Variants in SNED1 observed in about 807,000 individuals in gnomAD.
SNED1 encodes sushi, nidogen and EGF like domains 1.
SNED1 carries 81 observed loss-of-function variants against 166.7 expected under a neutral mutation model. The ratio of observed to expected loss-of-function variants is 0.49; its 90% CI spans 0.41 to 0.58. The LOEUF (loss-of-function observed/expected upper bound fraction) is 0.58, where lower values mean the gene tolerates loss of function less well. SNED1 is among the 20% of genes least tolerant of loss of function. SNED1 has a pLI of 0.00. For synonymous variants in SNED1, 762 were observed against 822.0 expected, an observed-to-expected ratio of 0.93 and a Z score of 1.25; for missense variants, 1,604 against 2,000.2, an observed-to-expected ratio of 0.80 and a Z score of 3.78.
intron 4 of SNED1, chr2:241,035,406 G>A (rs546946811): frequency 1.3e-5 from 2 of 152,430 alleles, no homozygotes; most frequent in Admixed American, 1.3e-4. Flanking sequence ...GGCGGCAGCA[G>A]AGCCATAGAT....
chr2:241,067,529 C>T (rs573062504), intron 21 of SNED1, among the ~76,000 whole-genome samples: 1 of 152,178 alleles, frequency 6.6e-6, no homozygotes, highest in African/African-American at 2.4e-5. Flanking sequence ...ACGGGCTGGC[C>T]CACAGCGGGC....
chr2:241,085,824 T>C (rs1402357992), intron 29 of SNED1, among the ~76,000 whole-genome samples: 1 of 151,890 alleles, frequency 6.6e-6, no homozygotes, highest in Non-Finnish European at 1.5e-5. Flanking sequence ...GGGGTTAATT[T>C]TGCCCTAGTT....
intron 1 of SNED1, among the ~76,000 whole-genome samples, chr2:241,017,135 G>A (rs1450107044): frequency 2.0e-5 from 3 of 152,178 alleles, no homozygotes; most frequent in Non-Finnish European, 4.4e-5. Flanking sequence ...CCAGGCGTGA[G>A]CCACCACACC....
chr2:241,048,738 G>T lies in SNED1; in HGVS notation c.1476G>T (p.Leu492=). The T allele has an allele frequency of 6.2e-7, 1 of 1,612,112 alleles. No homozygotes were observed. The highest frequency in any genetic ancestry group is 2.2e-5 in the East Asian group (1 of 44,814). ...ACACCACCCTCTGCCAGTGCCCCCT[G>T]GGATTCTTTGGGCTTCTCTGTGAAT... is the stretch of plus-strand genomic sequence containing the variant. ...GANTTLCQCP[L]GFFGLLCEFE... The change falls in exon 10 of 32, where the codon CTG becomes CTT. Residue 492 remains leucine (L), a synonymous_variant. Transcript: ENST00000310397.
intron 12 of SNED1, among the ~76,000 whole-genome samples, chr2:241,050,831 T>G (rs6437231): frequency 0.61 from 92,303 of 150,872 alleles, 28,997 homozygotes; most frequent in East Asian, 0.79. Context: ...GTACCCAAGG[T>G]GGGGGTCCTA....
chr2:241,082,036 G>A (rs533975823), intron 28 of SNED1, among the ~76,000 whole-genome samples: 4 of 152,216 alleles, frequency 2.6e-5, no homozygotes, highest in South Asian at 2.1e-4. Context: ...GCACAGCTTC[G>A]GAGGGCTCCC....
rs867290517 is a variant in SNED1, at chr2:241,064,578, G to A, written c.2600-266G>A. On this transcript the variant is annotated intron_variant, in intron 19 of 31. Transcript: ENST00000310397. The surrounding 1 kb of genome is among the most constrained non-coding windows in gnomAD (Gnocchi z 7.0). ...CCTCAAGCAGGACTGTCACTGGGGT[G>A]GTGGCCTGTCCTGTCCTGATCCAGT... is the stretch of plus-strand genomic sequence containing the variant. Among the ~76,000 whole-genome samples the A allele has an allele frequency of 3.9e-5, 6 of 152,178 alleles. No homozygotes were observed. Among genetic ancestry groups the A allele is most frequent in the Non-Finnish European group, 2.9e-5 (2 of 68,022 alleles).
At chr2:241,035,826 G>A in intron 4 of SNED1, among the ~76,000 whole-genome samples, 1 of 138,530 alleles carries the variant, frequency 7.2e-6, no homozygotes, top group East Asian at 2.2e-4. Flanking sequence ...GTGTGGGGAT[G>A]GGGGGTGCAG....
Position 241,064,048 on chromosome 2 carries a change from G to C in SNED1, c.2522G>C (p.Gly841Ala), listed in dbSNP as rs374047775. 1.5e-5 allele frequency: 24 copies of C among 1,563,830 alleles called. No homozygotes were observed. Among genetic ancestry groups the C allele is most frequent in the Non-Finnish European group, 1.8e-5 (21 of 1,155,190 alleles). The change falls in exon 19 of 32, where the codon GGA (glycine) becomes GCA (alanine). Residue 841 changes from glycine (G) to alanine (A), a missense_variant. Gly to Ala is a moderately conservative substitution (Grantham distance 60, BLOSUM62 0). This residue lies in a region of SNED1 where 1,237 missense variants were observed against 1,620.8 expected (regional missense o/e 0.76). Transcript: ENST00000310397. This position sits in a 1 kb window ranked among gnomAD's most constrained non-coding sequence, Gnocchi z 7.0. ...TGCGACTCCAGCCCCTGCCAGCATGGAGGCCGGTGTGAGAGCGGCGGCGGG... is the reference window on the plus strand; with the variant it reads ...TGCGACTCCAGCCCCTGCCAGCATGCAGGCCGGTGTGAGAGCGGCGGCGGG... ...DACDSSPCQHGGRCESGGGAY... is the reference protein window; with the variant it reads ...DACDSSPCQHAGRCESGGGAY...
Position 240,998,750 on chromosome 2 carries a change from G to T in SNED1, c.-88G>T. ...GGCGCGCCCGCGCTCCCCGCACCCC[G>T]CCTGGCCCTGCCGGCCACCCCCGCG... is the stretch of plus-strand genomic sequence containing the variant. On this transcript the variant is annotated 5_prime_UTR_variant, in exon 1 of 32. Coordinates refer to ENST00000310397, the MANE Select transcript of SNED1 (RefSeq NM_001080437.3). 1.9e-6 allele frequency: 1 copy of T among 540,510 alleles called. No homozygotes were observed. The highest frequency in any genetic ancestry group is 2.4e-6 in the Non-Finnish European group (1 of 422,570). 33.5% of individuals were successfully genotyped at this position (540,510 alleles called of 1,614,324 possible).
intron 1 of SNED1, among the ~76,000 whole-genome samples, chr2:241,002,642 T>C (rs2106529192): frequency 6.6e-6 from 1 of 152,226 alleles, no homozygotes; most frequent in Admixed American, 6.5e-5. Context: ...ACAGCTGTGA[T>C]CTGCCTGGAC....
In SNED1 at chr2:241,032,644, A is replaced by T. The variant is rs968647415; in HGVS notation, c.502-1091A>T. On this transcript the variant is annotated intron_variant, in intron 2 of 31. Coordinates refer to ENST00000310397, the MANE Select transcript of SNED1 (RefSeq NM_001080437.3). ...GAACTTAAAGTATAATAAAAAATAAAAAATAATAAAAAAAGTGCTGGTTTC... is the reference window on the plus strand; with the variant it reads ...GAACTTAAAGTATAATAAAAAATAATAAATAATAAAAAAAGTGCTGGTTTC... Among the ~76,000 whole-genome samples, 73 of 152,222 alleles carry T rather than the reference A, an allele frequency of 4.8e-4. 1 individual carries two copies. Among genetic ancestry groups the T allele is most frequent in the Middle Eastern group, 3.4e-3 (1 of 294 alleles).
chr2:241,012,737 CGT>C (rs1051383278), intron 1 of SNED1, among the ~76,000 whole-genome samples: 19 of 152,136 alleles, frequency 1.2e-4, no homozygotes, highest in African/African-American at 4.3e-4. Context: ...ACCCAGTTAC[CGT>C]GTGTGTGCAC....
chr2:241,026,550 G>C (rs1408829030), intron 1 of SNED1, among the ~76,000 whole-genome samples: 2 of 151,964 alleles, frequency 1.3e-5, no homozygotes, highest in African/African-American at 4.8e-5. Flanking sequence ...TGACCTTTTA[G>C]TTCCAGTTCA....
intron 2 of SNED1, among the ~76,000 whole-genome samples, chr2:241,033,065 C>T (rs2061237875): frequency 6.6e-6 from 1 of 152,094 alleles, no homozygotes; most frequent in African/African-American, 2.4e-5. Flanking sequence ...AAGTCCTTTC[C>T]CTTTCCTGAG....
At chr2:241,039,092 A>G (rs1288033272) in intron 6 of SNED1, among the ~76,000 whole-genome samples, 4 of 152,174 alleles carry the variant, frequency 2.6e-5, no homozygotes, top group Non-Finnish European at 4.4e-5. Context: ...CCTTGGGTAC[A>G]AGCCTTCCCG....
intron 16 of SNED1, among the ~76,000 whole-genome samples, chr2:241,056,989 A>G (rs571374902): frequency 1.3e-4 from 20 of 152,354 alleles, no homozygotes; most frequent in African/African-American, 4.3e-4. Context: ...AATGGGCAAA[A>G]GAATATTTGA....
In SNED1 at chr2:241,087,698, T is replaced by TG. The variant is rs141270290; in HGVS notation, c.4205+231dup. On this transcript the variant is annotated intron_variant, in intron 30 of 31. Coordinates refer to ENST00000310397, the MANE Select transcript of SNED1 (RefSeq NM_001080437.3). ...GGGCACAGCCGGGCATGCTGGGTGC[T>TG]GGGGGGGGTCACTCTGGTTATGCAT... 9.5e-3 allele frequency: 12,911 copies of TG among 1,364,030 alleles called. 497 individuals are homozygous for TG. In the African/African-American group the frequency reaches 0.12, roughly 13 times the overall value. 84.5% of individuals were successfully genotyped at this position (1,364,030 alleles called of 1,614,324 possible).
Position 241,065,460 on chromosome 2 carries a change from G to T in SNED1, c.2875G>T (p.Asp959Tyr), listed in dbSNP as rs747052368. The T allele has an allele frequency of 6.2e-7, 1 of 1,613,064 alleles. No individual in the cohort carries two copies. Among genetic ancestry groups the T allele is most frequent in the Admixed American group, 1.7e-5 (1 of 60,022 alleles). ...DGSYRRTDFV[D>Y]RTRSSHQLQA... is the part of the protein sequence containing the mutation. ...CTCCTACCGCCGCACAGACTTTGTGGACAGGACCCGCTCCTCGCACCAGCT... is the reference window on the plus strand; with the variant it reads ...CTCCTACCGCCGCACAGACTTTGTGTACAGGACCCGCTCCTCGCACCAGCT... Residue 959 changes from aspartate to tyrosine, a missense_variant, in exon 21 of 32, where the codon GAC becomes TAC. Around this residue, in one of 2 missense-constraint regions of SNED1, gnomAD observed 1,237 missense variants for 1,620.8 expected, o/e 0.76. Transcript: ENST00000310397.
Sources: allele counts gnomAD v4.1 joint callset (sites outside exome capture counted in the v4.1 genomes callset), GRCh38; gene constraint gnomAD v4.1.1; regional missense constraint gnomAD v4.1.1; non-coding constraint Gnocchi (gnomAD v3.1); transcripts MANE v1.5; gene names NCBI Gene and HGNC (gene_info 2026-07-23, HGNC 2026-07-21).